Variants in HEXB observed in about 807,000 individuals in gnomAD.
The protein encoded by HEXB is beta-hexosaminidase subunit beta.
A neutral mutation model predicts 71.2 loss-of-function variants in HEXB; 51 were observed. That is an observed-to-expected ratio of 0.72 (90% CI 0.57 to 0.90). The LOEUF is 0.90. HEXB is among the 40% of genes least tolerant of loss of function. The pLI, the probability that HEXB is intolerant of heterozygous loss-of-function variation, is 0.00. For synonymous variants in HEXB, 266 were observed against 249.3 expected (o/e 1.07, Z -0.63); for missense variants, 617 against 677.0 (o/e 0.91, Z 0.98).
chr5:74,661,397 A>G (rs566011188), intron 1 of HEXB, among the ~76,000 whole-genome samples: 2 of 152,322 alleles, frequency 1.3e-5, no homozygotes, highest in Non-Finnish European at 2.9e-5. Context: ...TTACTCCTTT[A>G]GTCCTGAACA....
chr5:74,691,558 GAAGCTGTAT>G (rs1332616073), intron 2 of HEXB, among the ~76,000 whole-genome samples: 1 of 152,194 alleles, frequency 6.6e-6, no homozygotes, highest in African/African-American at 2.4e-5. Context: ...TTGAACAAAG[GAAGCTGTAT>G]AATTATGTGT....
Position 74,715,656 on chromosome 5 carries a change from C to G in HEXB, c.1048C>G (p.His350Asp), listed in dbSNP as rs751352339. The G allele has an allele frequency of 1.6e-5, 26 of 1,607,446 alleles. No homozygotes were observed. Among genetic ancestry groups the G allele is most frequent in the Non-Finnish European group, 2.1e-5 (25 of 1,174,780 alleles). The change falls in exon 8 of 14, where the codon CAT (histidine) becomes GAT (aspartate). Residue 350 changes from histidine to aspartate, a missense_variant. By Grantham distance (81) the His-to-Asp change is moderately conservative. Transcript: ENST00000261416. Reference sequence around the variant, plus strand: ...TGAGGTGTTTCCAGATCAATTCATTCATTTGGGAGGAGATGAAGTGGAATT... The same window carrying G: ...TGAGGTGTTTCCAGATCAATTCATTGATTTGGGAGGAGATGAAGTGGAATT... The part of the protein sequence containing the change: ...ISEVFPDQFI[H>D]LGGDEVEFKC...
intron 7 of HEXB, among the ~76,000 whole-genome samples, chr5:74,714,004 T>A (rs1368782791): frequency 6.6e-6 from 1 of 152,098 alleles, no homozygotes; most frequent in Non-Finnish European, 1.5e-5. Context: ...CCACGCTAAT[T>A]TTTTGTATTT....
rs775025416 is a variant in HEXB at position 74,718,880 on chromosome 5, T to C, written c.1326T>C (p.Pro442=). Residue 442 remains proline, a synonymous_variant, in exon 11 of 14, where the codon CCT becomes CCC. Transcript: ENST00000261416. ...ELSRVTASGF[P]VILSAPWYLD... is the part of the protein sequence containing the mutation. Reference sequence around the variant, plus strand: ...GTAGAGTCACAGCATCTGGCTTCCCTGTAATCCTTTCTGCTCCTTGGTACT... The same window carrying C: ...GTAGAGTCACAGCATCTGGCTTCCCCGTAATCCTTTCTGCTCCTTGGTACT... 2 of 1,613,936 alleles carry C rather than the reference T, an allele frequency of 1.2e-6. No homozygotes were observed. Among genetic ancestry groups the C allele is most frequent in the Non-Finnish European group, 1.7e-6 (2 of 1,179,898 alleles).
intron 1 of HEXB, among the ~76,000 whole-genome samples, chr5:74,671,922 T>C (rs912074395): frequency 6.6e-6 from 1 of 152,184 alleles, no homozygotes; most frequent in African/African-American, 2.4e-5. Flanking sequence ...TAGGAAAGTA[T>C]TCTCCTCACA....
At chr5:74,653,826 T>A (rs1173734733) in intron 1 of HEXB, among the ~76,000 whole-genome samples, 5 of 151,846 alleles carry the variant, frequency 3.3e-5, no homozygotes, top group African/African-American at 7.3e-5. Context: ...ACAGAAAAAA[T>A]TTATTGAACG....
chr5:74,669,666 A>C (rs1748496811), intron 1 of HEXB, among the ~76,000 whole-genome samples: 1 of 152,078 alleles, frequency 6.6e-6, no homozygotes. Context: ...CTGACTGTAG[A>C]ATGTTGACAA....
At chr5:74,682,953 C>G (rs533463045), upstream of HEXB, among the ~76,000 whole-genome samples, 1 of 152,142 alleles carries the variant, frequency 6.6e-6, no homozygotes, top group Non-Finnish European at 1.5e-5. Flanking sequence ...AATGAAGGCT[C>G]AAAGACCCAG....
chr5:74,647,868 T>A (rs1039906135), intron 1 of HEXB, among the ~76,000 whole-genome samples: 5 of 152,240 alleles, frequency 3.3e-5, no homozygotes. Flanking sequence ...TTTACAGGCA[T>A]CGTGCTAAGG....
chr5:74,667,559 T>C, intron 1 of HEXB, among the ~76,000 whole-genome samples: 1 of 152,168 alleles, frequency 6.6e-6, no homozygotes, highest in Non-Finnish European at 1.5e-5. Context: ...TTAGTCAGTT[T>C]TCAAGTTCAG....
At chr5:74,654,459 A>G (rs1446799523) in intron 1 of HEXB, among the ~76,000 whole-genome samples, 2 of 152,194 alleles carry the variant, frequency 1.3e-5, no homozygotes, top group Non-Finnish European at 2.9e-5. Flanking sequence ...GAGATATACT[A>G]ACAGCTCCCC....
chr5:74,711,599 C>G (rs1041486580), intron 6 of HEXB, among the ~76,000 whole-genome samples: 2 of 152,098 alleles, frequency 1.3e-5, no homozygotes, highest in Non-Finnish European at 2.9e-5. Flanking sequence ...AAAAAACAAA[C>G]AACCCCATCA....
intron 9 of HEXB, 129 bp from the exon 10 acceptor site, chr5:74,718,162 G>A (rs943879452): frequency 2.8e-6 from 2 of 704,274 alleles, no homozygotes; most frequent in African/African-American, 3.6e-5. Flanking sequence ...AGCTGCTTCT[G>A]CTATAAAGCT....
At chr5:74,680,026 A>G (rs954008624) in intron 1 of HEXB, among the ~76,000 whole-genome samples, 1 of 152,196 alleles carries the variant, frequency 6.6e-6, no homozygotes, top group Admixed American at 6.5e-5. Context: ...AATAGAGCGT[A>G]TCTTGAAGAG....
chr5:74,668,230 T>TTGTGTGTGTGTGTGTGTG (rs34727155), intron 1 of HEXB, among the ~76,000 whole-genome samples: 1 of 148,580 alleles, frequency 6.7e-6, no homozygotes, highest in African/African-American at 2.5e-5. Context: ...TTTGTTTTGT[T>TTGTGTGTGTGTGTGTGTG]TGTGTGTGTG....
intron 2 of HEXB, among the ~76,000 whole-genome samples, chr5:74,693,103 G>GT (rs1388062686): frequency 1.3e-5 from 2 of 152,202 alleles, no homozygotes; most frequent in African/African-American, 4.8e-5. Flanking sequence ...CTGAGGGAAG[G>GT]TGGGTACAGG....
chr5:74,696,108 G>C (rs1320174380), intron 3 of HEXB, among the ~76,000 whole-genome samples: 1 of 152,208 alleles, frequency 6.6e-6, no homozygotes, highest in Non-Finnish European at 1.5e-5. Flanking sequence ...CTATATAGCT[G>C]TCAGCTAGAA....
At chr5:74,670,946 C>T (rs1019991543) in intron 1 of HEXB, among the ~76,000 whole-genome samples, 2 of 152,152 alleles carry the variant, frequency 1.3e-5, no homozygotes, top group African/African-American at 4.8e-5. Flanking sequence ...AGAATGCAGG[C>T]CGGGTGCAGC....
At chr5:74,684,899 A>G (rs1327675396), upstream of HEXB, among the ~76,000 whole-genome samples, 1 of 149,490 alleles carries the variant, frequency 6.7e-6, no homozygotes. Flanking sequence ...CTGGTCTTGA[A>G]CTCCTGACCT....
Sources: allele counts gnomAD v4.1 joint callset (sites outside exome capture counted in the v4.1 genomes callset), GRCh38; gene constraint gnomAD v4.1.1; transcripts MANE v1.5; gene names NCBI Gene and HGNC (gene_info 2026-07-23, HGNC 2026-07-21).